Variants in REEP5 observed in about 807,000 individuals in gnomAD.
REEP5 encodes the protein receptor expression-enhancing protein 5.
A neutral mutation model predicts 22.4 loss-of-function variants in REEP5; 24 were observed. The observed-to-expected ratio is 1.07, with a 90% CI of 0.78 to 1.51. The LOEUF (loss-of-function observed/expected upper bound fraction) is 1.51. Among genes scored for constraint, REEP5 ranks in the 40% most tolerant of loss-of-function variants. The pLI is 0.00. For synonymous variants in REEP5, 103 were observed against 88.6 expected, an observed-to-expected ratio of 1.16 and a Z score of -0.92; for missense variants, 252 against 233.0, an observed-to-expected ratio of 1.08 and a Z score of -0.53.
intron 2 of REEP5, among the ~76,000 whole-genome samples, chr5:112,909,947 T>C (rs1002856047): frequency 2.6e-5 from 4 of 152,208 alleles, no homozygotes; most frequent in Admixed American, 2.0e-4. Context: ...ACAAGTAAGC[T>C]GTACATTCTC....
chr5:112,884,364 G>A (rs1768167151), intron 4 of REEP5, among the ~76,000 whole-genome samples: 1 of 151,612 alleles, frequency 6.6e-6, no homozygotes, highest in African/African-American at 2.4e-5. Flanking sequence ...GATTCCCCAT[G>A]GTTCCTTCTT....
chr5:112,916,447 G>T (rs1248304407), intron 2 of REEP5, among the ~76,000 whole-genome samples: 1 of 152,200 alleles, frequency 6.6e-6, no homozygotes, highest in African/African-American at 2.4e-5. Flanking sequence ...GCAAGCCTCT[G>T]CTGTCATAAG....
Position 112,913,344 on chromosome 5 carries a change from GAAAA to G in REEP5, c.212+7815_212+7818del, listed in dbSNP as rs1262431111. 4.6e-3 allele frequency among the ~76,000 whole-genome samples: 643 copies of G among 139,550 alleles called. 6 individuals are homozygous for G. Among genetic ancestry groups the G allele is most frequent in the African/African-American group, 0.016 (606 of 37,724 alleles). The allele number at this position is 139,550 out of a possible 152,430, so 91.6% of individuals were successfully genotyped here. A position where few individuals can be genotyped will look rare whatever the true frequency, so the allele number is the denominator to read the frequency against. On this transcript the variant is annotated intron_variant, in intron 2 of 4. Coordinates refer to ENST00000379638, the MANE Select transcript of REEP5 (RefSeq NM_005669.5). Reference sequence around the variant, plus strand: ...ACAGACAGACAGAAAGGAAAAGAAAGAAAAGAAAGAAAGAAAGGAAAGAAAGAAG... The same window carrying G: ...ACAGACAGACAGAAAGGAAAAGAAAGGAAAGAAAGAAAGGAAAGAAAGAAG...
At chr5:112,886,176 C>A in intron 4 of REEP5, among the ~76,000 whole-genome samples, 1 of 152,320 alleles carries the variant, frequency 6.6e-6, no homozygotes, top group Non-Finnish European at 1.5e-5. Context: ...AGCCTGCCTG[C>A]GCTTCATTCA....
chr5:112,881,533 C>G (rs190540820), intron 4 of REEP5, among the ~76,000 whole-genome samples: 2 of 152,290 alleles, frequency 1.3e-5, no homozygotes, highest in Non-Finnish European at 2.9e-5. Flanking sequence ...TGGCTGTGCC[C>G]TGAGGACACT....
chr5:112,896,527 C>G (rs1453956181), intron 3 of REEP5: 3 of 151,268 alleles, frequency 2.0e-5, no homozygotes, highest in African/African-American at 7.3e-5. Context: ...AACTCCATCT[C>G]AAAAAAAAGA....
intron 4 of REEP5, among the ~76,000 whole-genome samples, chr5:112,886,104 G>A (rs1768234361): frequency 2.6e-5 from 4 of 152,214 alleles, no homozygotes; most frequent in Admixed American, 2.6e-4. Flanking sequence ...TAGTGTCTAA[G>A]GAGTGATCCA....
At chr5:112,922,045 C>T (rs756241146) in intron 1 of REEP5, 28 bp downstream of exon 1, 7 of 1,577,708 alleles carry the variant, frequency 4.4e-6, no homozygotes, top group Non-Finnish European at 6.0e-6. Context: ...CGTGGCCCTA[C>T]CAGCGGCGGC....
chr5:112,883,405 C>G (rs1267569514), intron 4 of REEP5, among the ~76,000 whole-genome samples: 1 of 152,196 alleles, frequency 6.6e-6, no homozygotes, highest in East Asian at 1.9e-4. Flanking sequence ...CAGATCACTT[C>G]TCCTCTCTGA....
chr5:112,881,701 G>A (rs1459626514), intron 4 of REEP5, among the ~76,000 whole-genome samples: 1 of 151,968 alleles, frequency 6.6e-6, no homozygotes, highest in Non-Finnish European at 1.5e-5. Context: ...CTGACTCTTG[G>A]GCTACTTTGC....
chr5:112,908,531 A>G (rs1027351538), intron 2 of REEP5, among the ~76,000 whole-genome samples: 1 of 150,270 alleles, frequency 6.7e-6, no homozygotes, highest in African/African-American at 2.5e-5. Flanking sequence ...AACAGCTAAT[A>G]ATTTTTTTTT....
intron 3 of REEP5, among the ~76,000 whole-genome samples, chr5:112,888,219 C>G (rs1470951719): frequency 6.6e-6 from 1 of 152,174 alleles, no homozygotes; most frequent in East Asian, 1.9e-4. Context: ...TCATAATCAA[C>G]AAGCTATGAT....
chr5:112,902,246 G>C (rs773150722), intron 3 of REEP5, 134 bp downstream of exon 3: 3 of 902,210 alleles, frequency 3.3e-6, no homozygotes, highest in Non-Finnish European at 4.7e-6. Context: ...ACAGAGTCTC[G>C]CTCTGTTGCC....
intron 3 of REEP5, chr5:112,894,280 C>T (rs1768607473): frequency 6.6e-6 from 1 of 152,168 alleles, no homozygotes; most frequent in African/African-American, 2.4e-5. Context: ...CCACCGTGCC[C>T]AGCTAATTTT....
chr5:112,890,878 T>G (rs1055916831), intron 3 of REEP5, among the ~76,000 whole-genome samples: 4 of 150,604 alleles, frequency 2.7e-5, no homozygotes, highest in African/African-American at 9.9e-5. Flanking sequence ...AAAATAGGTA[T>G]TAATTGAAAA....
rs1412478397 is a variant in REEP5, at chr5:112,922,120, G to T, written c.71C>A (p.Ala24Asp). The part of the protein sequence containing the change: ...HEKNCMTDLL[A>D]KLEAKTGVNR... ...CACGCCGGTTTTGGCCTCGAGCTTG[G>T]CCAGAAGGTCAGTCATGCAGTTCTT... The change falls in exon 1 of 5, where the codon GCC (alanine) becomes GAC (aspartate). Residue 24 changes from alanine (A) to aspartate (D), a missense_variant. Coordinates refer to ENST00000379638, the MANE Select transcript of REEP5 (RefSeq NM_005669.5). The T allele has an allele frequency of 6.2e-7, 1 of 1,605,830 alleles. No individual in the cohort carries two copies. The highest frequency in any genetic ancestry group is 1.1e-5 in the South Asian group (1 of 89,894).
At chr5:112,902,336 A>T in intron 3 of REEP5, 44 bp downstream of exon 3, 8 of 1,561,260 alleles carry the variant, frequency 5.1e-6, no homozygotes, top group Non-Finnish European at 6.9e-6. Context: ...CTTCTTCTAT[A>T]CAGGTACTGA....
chr5:112,902,418 T>C lies in REEP5; in HGVS notation c.313A>G (p.Ile105Val), dbSNP rs1034061400. 20 of 1,613,190 alleles carry C rather than the reference T, an allele frequency of 1.2e-5. No individual in the cohort carries two copies. Among genetic ancestry groups the C allele is most frequent in the Admixed American group, 1.7e-5 (1 of 59,752 alleles). The change falls in exon 3 of 5, where the codon ATC becomes GTC. Residue 105 changes from isoleucine (I) to valine (V), a missense_variant. Physicochemically the swap from Ile to Val is conservative, Grantham distance 29. Transcript: ENST00000379638. ...VFSIAEFFSD[I>V]FLSWFPFYYM... ...TAGAAGGGGAACCATGACAGGAAGA[T>C]ATCAGAGAAGAATTCAGCAATGCTG...
chr5:112,891,167 G>T (rs1768432876), intron 3 of REEP5, among the ~76,000 whole-genome samples: 1 of 141,958 alleles, frequency 7.0e-6, no homozygotes, highest in African/African-American at 2.9e-5. Flanking sequence ...CTGCCTCCTG[G>T]GTTCAAGCAG....
Sources: gnomAD v4.1 joint callset for allele counts (sites outside exome capture counted in the v4.1 genomes callset) on GRCh38, gnomAD v4.1.1 for gene constraint, MANE v1.5 for transcripts, NCBI Gene and HGNC (gene_info 2026-07-23, HGNC 2026-07-21) for gene names.